The following PDE7B variants were observed in gnomAD, a reference collection of about 807,000 sequenced individuals.
PDE7B encodes 3',5'-cyclic-AMP phosphodiesterase 7B.
In PDE7B, 29 loss-of-function variants were observed where a neutral mutation model predicts 56.2. The ratio of observed to expected loss-of-function variants is 0.52; its 90% CI spans 0.38 to 0.70. PDE7B has a LOEUF of 0.70. PDE7B is among the 30% of genes least tolerant of loss of function. The pLI is 0.00. For missense variants in PDE7B, 490 were observed against 565.0 expected, an observed-to-expected ratio of 0.87 and a Z score of 1.35; for synonymous variants, 197 against 196.9, an observed-to-expected ratio of 1.00 and a Z score of 0.00.
At chr6:135,931,342 T>C (rs1221617098) in intron 1 of PDE7B, among the ~76,000 whole-genome samples, 1 of 152,216 alleles carries the variant, frequency 6.6e-6, no homozygotes, top group Admixed American at 6.5e-5. Context: ...ACATGAATTA[T>C]GTATGATCTG....
intron 1 of PDE7B, among the ~76,000 whole-genome samples, chr6:135,866,400 G>A (rs1327238996): frequency 6.6e-6 from 1 of 151,966 alleles, no homozygotes; most frequent in Non-Finnish European, 1.5e-5. Flanking sequence ...AATATTATGC[G>A]AACATTTCTT....
intron 2 of PDE7B, among the ~76,000 whole-genome samples, chr6:136,004,942 G>A (rs1207583054): frequency 6.6e-6 from 1 of 152,140 alleles, no homozygotes; most frequent in Non-Finnish European, 1.5e-5. Flanking sequence ...CACGCTACCT[G>A]ACTTCAAACT....
At chr6:136,021,038 G>T (rs4895461) in intron 2 of PDE7B, among the ~76,000 whole-genome samples, 19,613 of 152,050 alleles carry the variant, frequency 0.13, 2,718 homozygotes, top group African/African-American at 0.35. Context: ...GTTTCCTAAG[G>T]GTTGATTTAG....
intron 1 of PDE7B, among the ~76,000 whole-genome samples, chr6:135,884,056 A>G (rs1040916438): frequency 6.6e-6 from 1 of 152,170 alleles, no homozygotes; most frequent in Admixed American, 6.6e-5. Context: ...TAATCTCTGA[A>G]GCTTAGTATG....
At chr6:135,882,549 A>G (rs1295645998) in intron 1 of PDE7B, among the ~76,000 whole-genome samples, 3 of 152,124 alleles carry the variant, frequency 2.0e-5, no homozygotes, top group African/African-American at 7.2e-5. Flanking sequence ...ACCTTATTCA[A>G]TAAATACATA....
At chr6:136,003,778 G>A (rs1775719352) in intron 2 of PDE7B, among the ~76,000 whole-genome samples, 1 of 152,172 alleles carries the variant, frequency 6.6e-6, no homozygotes, top group African/African-American at 2.4e-5. Flanking sequence ...GAGGTACAAG[G>A]AGGAACTGGT....
intron 6 of PDE7B, among the ~76,000 whole-genome samples, chr6:136,152,224 C>T (rs1310314820): frequency 2.6e-5 from 4 of 152,078 alleles, no homozygotes; most frequent in Non-Finnish European, 5.9e-5. Flanking sequence ...AGGAACATAC[C>T]GTTTTCAAAG....
intron 2 of PDE7B, among the ~76,000 whole-genome samples, chr6:135,947,989 T>C (rs1393905489): frequency 1.3e-5 from 2 of 152,112 alleles, no homozygotes; most frequent in Non-Finnish European, 2.9e-5. Context: ...GACACAGCAT[T>C]TGTAACAAAA....
At chr6:136,032,945 G>T (rs1274111910) in intron 2 of PDE7B, among the ~76,000 whole-genome samples, 1 of 152,196 alleles carries the variant, frequency 6.6e-6, no homozygotes, top group Admixed American at 6.5e-5. Flanking sequence ...CCCAGTTTTT[G>T]TAACTCTCAG....
rs370370707 is a variant in PDE7B at position 136,047,637 on chromosome 6, A to G, written c.83-61094A>G. Among the ~76,000 whole-genome samples the G allele has an allele frequency of 2.6e-5, 4 of 152,356 alleles. No homozygotes were observed. The South Asian group carries it at 6.2e-4, about 24-fold the overall frequency. On this transcript the variant is annotated intron_variant, in intron 2 of 12. Coordinates refer to ENST00000308191, the MANE Select transcript of PDE7B (RefSeq NM_018945.4). ...ATGGAAAATGATGTTTCAATGTTAC[A>G]TACAAATACTGAACTTCTTATGCTA... is the stretch of plus-strand genomic sequence containing the variant.
At chr6:135,873,130 T>C (rs910368639) in intron 1 of PDE7B, among the ~76,000 whole-genome samples, 1 of 152,130 alleles carries the variant, frequency 6.6e-6, no homozygotes, top group African/African-American at 2.4e-5. Flanking sequence ...GCTGGGTGAG[T>C]GAGCTGAGAG....
intron 3 of PDE7B, among the ~76,000 whole-genome samples, chr6:136,143,113 G>A (rs964428389): frequency 5.1e-4 from 78 of 152,180 alleles, no homozygotes; most frequent in African/African-American, 1.4e-3. Flanking sequence ...CATGTTTAGT[G>A]CTTCCTTCAG....
At position 136,110,095 on chromosome 6, in the gene PDE7B, A is replaced by T. The variant is rs561430103; in HGVS notation, c.166+1281A>T. ...ATTTCTCCTGGCTTGTTAATCTCCC[A>T]TATCAATGTGCAATGTCTGTTTTTT... On this transcript the variant is annotated intron_variant, in intron 3 of 12. Transcript: ENST00000308191. Among the ~76,000 whole-genome samples, 86 of 152,244 alleles carry T rather than the reference A, an allele frequency of 5.6e-4. 1 individual carries two copies. The South Asian group carries it at 0.018, about 32-fold the overall frequency.
At chr6:135,950,890 T>G (rs905631257) in intron 2 of PDE7B, among the ~76,000 whole-genome samples, 1 of 152,152 alleles carries the variant, frequency 6.6e-6, no homozygotes, top group Non-Finnish European at 1.5e-5. Flanking sequence ...AAATGAGACA[T>G]AAGTGTAAAA....
In PDE7B at chr6:135,888,595, A is replaced by G. The variant is rs139903327; in HGVS notation, c.21+36576A>G. On this transcript the variant is annotated intron_variant, in intron 1 of 12. Transcript: ENST00000308191. ...ACATCACTGTTCTGGACTATTTAGA[A>G]ATATAGATCCAAGAAGAACAACTAA... Among the ~76,000 whole-genome samples, 348 of 152,044 alleles carry G rather than the reference A, an allele frequency of 2.3e-3. 1 individual carries two copies. Among genetic ancestry groups the G allele is most frequent in the African/African-American group, 8.0e-3 (333 of 41,526 alleles).
At chr6:136,185,588 A>AT (rs971063550) in intron 11 of PDE7B, among the ~76,000 whole-genome samples, 29 of 151,880 alleles carry the variant, frequency 1.9e-4, no homozygotes, top group African/African-American at 7.0e-4. Context: ...TCCTATCTCT[A>AT]TTTAAAAAAA....
rs538857854 is a variant in PDE7B, at chr6:135,877,081, A to AT, written c.21+25062_21+25063insT. ...AAGATACATTTGTTCTTTAAAAAAA[A>AT]ATCTACCGAATTCTATTTCAGTGTC... On this transcript the variant is annotated intron_variant, in intron 1 of 12. Transcript: ENST00000308191. 1.4e-3 allele frequency among the ~76,000 whole-genome samples: 216 copies of AT among 151,930 alleles called. 1 individual carries two copies. The highest frequency in any genetic ancestry group is 4.9e-3 in the African/African-American group (202 of 41,360).
chr6:135,938,782 A>G (rs756507471), intron 1 of PDE7B, among the ~76,000 whole-genome samples: 25 of 152,158 alleles, frequency 1.6e-4, no homozygotes, highest in Non-Finnish European at 2.1e-4. Flanking sequence ...ATACGAGGAG[A>G]TCTTAGCCAT....
intron 2 of PDE7B, among the ~76,000 whole-genome samples, chr6:136,060,277 C>T (rs1776814628): frequency 6.6e-6 from 1 of 152,088 alleles, no homozygotes; most frequent in Non-Finnish European, 1.5e-5. Context: ...GGGAGTGATT[C>T]TTTTGGCTCC....
Sources: allele counts gnomAD v4.1 joint callset (sites outside exome capture counted in the v4.1 genomes callset), GRCh38; gene constraint gnomAD v4.1.1; transcripts MANE v1.5; gene names NCBI Gene and HGNC (gene_info 2026-07-23, HGNC 2026-07-21).